STK38L: variants seen among roughly 807,000 people sequenced by gnomAD.
STK38L encodes the protein serine/threonine-protein kinase 38-like.
In STK38L, 28 loss-of-function variants were observed where a neutral mutation model predicts 59.7. The observed-to-expected ratio is 0.47, with a 90% confidence interval of 0.35 to 0.64. The LOEUF (loss-of-function observed/expected upper bound fraction) is 0.64. Among genes scored for constraint, STK38L ranks in the 30% least tolerant of loss-of-function variants. The probability of loss-of-function intolerance (pLI) is 0.01; values close to 1 mark genes in which losing one functional copy is unlikely to be tolerated. For synonymous variants in STK38L, 162 were observed against 176.8 expected, an observed-to-expected ratio of 0.92 and a Z score of 0.66; for missense variants, 314 against 555.8, an observed-to-expected ratio of 0.56 and a Z score of 4.37.
At chr12:27,310,278 C>G (rs927015705) in intron 5 of STK38L, among the ~76,000 whole-genome samples, 2 of 151,918 alleles carry the variant, frequency 1.3e-5, no homozygotes, top group African/African-American at 4.8e-5. Flanking sequence ...GATTAGAGAA[C>G]TATAGATAAT....
In STK38L at chr12:27,312,575, T is replaced by G. The variant is rs1944481661; in HGVS notation, c.420T>G (p.Asp140Glu). 6.2e-7 allele frequency: 1 copy of G among 1,613,976 alleles called. No individual in the cohort carries two copies. Among genetic ancestry groups the G allele is most frequent in the South Asian group, 1.1e-5 (1 of 91,082 alleles). Residue 140 changes from aspartate (D) to glutamate (E), a missense_variant, in exon 6 of 14, where the codon GAT (aspartate) becomes GAG (glutamate). This residue lies in a region of STK38L where 192 missense variants were observed against 316.9 expected (regional missense o/e 0.61). Coordinates refer to ENST00000389032, the MANE Select transcript of STK38L (RefSeq NM_015000.4). Reference protein sequence around the residue: ...EQVAHIRAERDILVEADGAWV... With the variant: ...EQVAHIRAEREILVEADGAWV... ...TGGCCCATATCCGAGCAGAAAGAGA[T>G]ATTTTGGTAGAAGCAGATGGTGCCT...
intron 1 of STK38L, among the ~76,000 whole-genome samples, chr12:27,268,597 A>G (rs1239959309): frequency 6.6e-6 from 1 of 152,192 alleles, no homozygotes; most frequent in Non-Finnish European, 1.5e-5. Context: ...ATGTGTCTTT[A>G]AAGCAGCATA....
chr12:27,254,289 C>G (rs1241107179), intron 1 of STK38L, among the ~76,000 whole-genome samples: 1 of 152,178 alleles, frequency 6.6e-6, no homozygotes, highest in Non-Finnish European at 1.5e-5. Context: ...TATTCTAGTT[C>G]TAGCCTTGAT....
chr12:27,248,383 G>C (rs1182208716), intron 1 of STK38L, among the ~76,000 whole-genome samples: 3 of 152,162 alleles, frequency 2.0e-5, no homozygotes, highest in African/African-American at 7.2e-5. Context: ...ACAGTGTCTT[G>C]TATAGGCCTA....
At chr12:27,269,706 G>A (rs1400973553) in intron 1 of STK38L, among the ~76,000 whole-genome samples, 2 of 152,160 alleles carry the variant, frequency 1.3e-5, no homozygotes, top group Admixed American at 1.3e-4. Flanking sequence ...GCAATGGCGT[G>A]ATCTTGGCTC....
rs1208069256 is a variant in STK38L, at chr12:27,317,654, A to C, written c.955+201A>C. On this transcript the variant is annotated intron_variant, in intron 10 of 13. Transcript: ENST00000389032. ...TTTCAGGAAGGTGGGTATTTAACCC[A>C]AACTCCCACGTATAAAAGTGGTTAT... 12 of 708,290 alleles carry C rather than the reference A, an allele frequency of 1.7e-5. No homozygotes were observed. In the Middle Eastern group the frequency reaches 1.6e-3, roughly 94 times the overall value. The allele number at this position is 708,290 out of a possible 1,614,324, so 43.9% of individuals were successfully genotyped here.
At chr12:27,267,008 C>T (rs1396337996) in intron 1 of STK38L, among the ~76,000 whole-genome samples, 1 of 152,076 alleles carries the variant, frequency 6.6e-6, no homozygotes, top group African/African-American at 2.4e-5. Flanking sequence ...TATATCATTG[C>T]TTTGTTTTTT....
intron 3 of STK38L, among the ~76,000 whole-genome samples, chr12:27,307,633 A>T (rs888547509): frequency 2.0e-5 from 3 of 152,208 alleles, no homozygotes; most frequent in Non-Finnish European, 4.4e-5. Flanking sequence ...TTGATTGGTG[A>T]GGGTGAAAAA....
intron 1 of STK38L, among the ~76,000 whole-genome samples, chr12:27,254,722 C>A (rs2881297): frequency 6.6e-6 from 1 of 151,874 alleles, no homozygotes; most frequent in Non-Finnish European, 1.5e-5. Flanking sequence ...ACTAAAAGAT[C>A]ATGGGCACTC....
intron 1 of STK38L, among the ~76,000 whole-genome samples, chr12:27,262,724 A>T (rs1943226406): frequency 6.6e-6 from 1 of 151,134 alleles, no homozygotes; most frequent in Non-Finnish European, 1.5e-5. Flanking sequence ...AAAAAAAAAA[A>T]AGGAATAATA....
chr12:27,284,806 A>G (rs1241835946), intron 1 of STK38L, among the ~76,000 whole-genome samples: 1 of 152,226 alleles, frequency 6.6e-6, no homozygotes, highest in South Asian at 2.1e-4. Flanking sequence ...TATTAATGAT[A>G]AAGGTCATTA....
chr12:27,272,254 T>C (rs1943439675), intron 1 of STK38L, among the ~76,000 whole-genome samples: 1 of 152,236 alleles, frequency 6.6e-6, no homozygotes, highest in South Asian at 2.1e-4. Flanking sequence ...TGAGACATTA[T>C]AGCTCCTTAT....
intron 1 of STK38L, among the ~76,000 whole-genome samples, chr12:27,254,474 A>C (rs1943044478): frequency 6.6e-6 from 1 of 152,182 alleles, no homozygotes; most frequent in South Asian, 2.1e-4. Context: ...TTGTATGTAT[A>C]ATCTACGTTA....
chr12:27,271,679 G>A (rs1048159292), intron 1 of STK38L, among the ~76,000 whole-genome samples: 1 of 152,110 alleles, frequency 6.6e-6, no homozygotes, highest in South Asian at 2.1e-4. Context: ...TATTTGAAAT[G>A]TGTCTACTCA....
chr12:27,256,673 A>G (rs1459523980), intron 1 of STK38L, among the ~76,000 whole-genome samples: 2 of 152,240 alleles, frequency 1.3e-5, no homozygotes, highest in African/African-American at 4.8e-5. Context: ...TGTGCCAGGC[A>G]TAGGACAGTG....
At chr12:27,260,448 G>A (rs146812876) in intron 1 of STK38L, among the ~76,000 whole-genome samples, 91 of 152,148 alleles carry the variant, frequency 6.0e-4, no homozygotes, top group African/African-American at 2.0e-3. Flanking sequence ...AATTCTCATG[G>A]GCATAATTCA....
intron 7 of STK38L, 137 bp from the exon 8 acceptor site, chr12:27,314,878 C>A: frequency 1.2e-6 from 1 of 867,400 alleles, no homozygotes; most frequent in Non-Finnish European, 1.7e-6. Flanking sequence ...TCATCAGATA[C>A]TTAAAATTTT....
At chr12:27,314,184 T>G (rs1944527630) in intron 6 of STK38L, among the ~76,000 whole-genome samples, 1 of 152,152 alleles carries the variant, frequency 6.6e-6, no homozygotes, top group Admixed American at 6.5e-5. Context: ...GCAGATAGCT[T>G]GAAACCAGGA....
At chr12:27,269,534 T>C (rs1420965014) in intron 1 of STK38L, among the ~76,000 whole-genome samples, 1 of 152,218 alleles carries the variant, frequency 6.6e-6, no homozygotes, top group African/African-American at 2.4e-5. Flanking sequence ...CCTTGTAGTA[T>C]AGTTTGAAGT....
Sources: allele counts gnomAD v4.1 joint callset (sites outside exome capture counted in the v4.1 genomes callset), GRCh38; gene constraint gnomAD v4.1.1; regional missense constraint gnomAD v4.1.1; transcripts MANE v1.5; gene names NCBI Gene and HGNC (gene_info 2026-07-23, HGNC 2026-07-21).